Variants in CSMD1 observed in about 807,000 individuals in gnomAD.
CSMD1 encodes the protein CUB and sushi domain-containing protein 1.
In CSMD1, 213 loss-of-function variants were observed where a neutral mutation model predicts 417.5. That is an observed-to-expected ratio of 0.51 (90% confidence interval 0.46 to 0.57). CSMD1 has a LOEUF of 0.57. CSMD1 is among the 20% of genes least tolerant of loss of function. The pLI, the probability that CSMD1 is intolerant of heterozygous loss-of-function variation, is 0.00. For synonymous variants in CSMD1, 2,862 were observed against 1,736.8 expected (o/e 1.65, Z -16.11); for missense variants, 6,923 against 4,529.7 (o/e 1.53, Z -15.17).
At chr8:4,280,029 G>C (rs111929501) in intron 3 of CSMD1, among the ~76,000 whole-genome samples, 4 of 152,248 alleles carry the variant, frequency 2.6e-5, no homozygotes, top group South Asian at 2.1e-4. Context: ...TCCCAGCCTA[G>C]AACACAGTGA....
At chr8:2,951,496 A>C (rs1358618370) in intron 65 of CSMD1, among the ~76,000 whole-genome samples, 1 of 152,182 alleles carries the variant, frequency 6.6e-6, no homozygotes, top group African/African-American at 2.4e-5. Flanking sequence ...ACTTGTGCTT[A>C]TGGGTTTCTT....
intron 5 of CSMD1, among the ~76,000 whole-genome samples, chr8:3,976,693 AC>A (rs1384540923): frequency 6.6e-6 from 1 of 152,150 alleles, no homozygotes; most frequent in Non-Finnish European, 1.5e-5. Flanking sequence ...AAGATATTTT[AC>A]TTATGAACCC....
intron 3 of CSMD1, among the ~76,000 whole-genome samples, chr8:4,112,328 G>A (rs866491570): frequency 5.3e-5 from 8 of 152,124 alleles, no homozygotes; most frequent in Admixed American, 1.3e-4. Context: ...CCCTGGCAAC[G>A]GACACAGGCC....
chr8:4,548,202 G>A (rs901384155), intron 2 of CSMD1, among the ~76,000 whole-genome samples: 13 of 152,054 alleles, frequency 8.5e-5, no homozygotes, highest in South Asian at 2.1e-4. Flanking sequence ...ACATAGCGCC[G>A]TCAAAAATTG....
chr8:4,154,018 A>G (rs948303866), intron 3 of CSMD1, among the ~76,000 whole-genome samples: 4 of 152,190 alleles, frequency 2.6e-5, no homozygotes, highest in African/African-American at 9.7e-5. Context: ...CTCATTTTGC[A>G]CCGTATTTTC....
chr8:4,905,951 C>T (rs1036449107), intron 1 of CSMD1, among the ~76,000 whole-genome samples: 2 of 152,144 alleles, frequency 1.3e-5, no homozygotes, highest in African/African-American at 2.4e-5. Context: ...CCCAAACCCC[C>T]ATTCATTCTT....
intron 3 of CSMD1, among the ~76,000 whole-genome samples, chr8:4,035,170 C>T (rs1427541734): frequency 2.0e-5 from 3 of 148,470 alleles, no homozygotes; most frequent in South Asian, 2.3e-4. Context: ...TGATGGCGTA[C>T]TGATGTTGTA....
chr8:4,271,176 G>C (rs1585132958), intron 3 of CSMD1, among the ~76,000 whole-genome samples: 1 of 152,032 alleles, frequency 6.6e-6, no homozygotes, highest in African/African-American at 2.4e-5. Flanking sequence ...CATTACATAT[G>C]TTTTCATTTA....
intron 19 of CSMD1, 24 bp from the exon 20 acceptor site, chr8:3,367,271 G>A (rs368268925): frequency 4.5e-6 from 7 of 1,554,408 alleles, no homozygotes; most frequent in African/African-American, 1.4e-5. Context: ...CCGGGGGAGA[G>A]AGAGAGAGAC....
At position 3,235,462 on chromosome 8, in the gene CSMD1, T is replaced by C. The variant is rs183048198; in HGVS notation, c.4154-5231A>G. Among the ~76,000 whole-genome samples, 431 of 152,292 alleles carry C rather than the reference T, an allele frequency of 2.8e-3. 1 individual carries two copies. Among genetic ancestry groups the C allele is most frequent in the African/African-American group, 9.7e-3 (404 of 41,566 alleles). Reference sequence around the variant, plus strand: ...TGTTGAACACTTTTCTGGGAGTTAATAGGATCTGGTCAAATGAGATTGGCA... The same window carrying C: ...TGTTGAACACTTTTCTGGGAGTTAACAGGATCTGGTCAAATGAGATTGGCA... On this transcript the variant is annotated intron_variant, in intron 26 of 69. Transcript: ENST00000635120.
intron 1 of CSMD1, among the ~76,000 whole-genome samples, chr8:4,784,619 G>A (rs554071673): frequency 3.9e-5 from 6 of 152,044 alleles, no homozygotes; most frequent in South Asian, 2.1e-4. Context: ...TTTTTTCACC[G>A]ATGGTTTTAA....
chr8:4,193,443 T>A lies in CSMD1; in HGVS notation c.416-161344A>T, dbSNP rs1799150654. ...TTCTCTGTTCACATCCAGGTACCCA[T>A]GCCAGGTCATGTTTTCCCTGGATGG... On this transcript the variant is annotated intron_variant, in intron 3 of 69. Transcript: ENST00000635120. Among the ~76,000 whole-genome samples, 3 of 151,780 alleles carry A rather than the reference T, an allele frequency of 2.0e-5. No individual in the cohort carries two copies. In the South Asian group the frequency reaches 6.2e-4, roughly 31 times the overall value.
intron 1 of CSMD1, among the ~76,000 whole-genome samples, chr8:4,648,989 T>A (rs543939297): frequency 7.2e-5 from 11 of 152,220 alleles, no homozygotes; most frequent in Non-Finnish European, 1.6e-4. Context: ...GAGTAGTGCC[T>A]TCAATAAACA....
At chr8:4,654,502 G>T (rs555562616) in intron 1 of CSMD1, among the ~76,000 whole-genome samples, 2 of 152,068 alleles carry the variant, frequency 1.3e-5, no homozygotes, top group Non-Finnish European at 2.9e-5. Flanking sequence ...GAAGTACCAG[G>T]CAATGCATAT....
intron 1 of CSMD1, among the ~76,000 whole-genome samples, chr8:4,897,632 A>G (rs944701651): frequency 6.6e-5 from 10 of 152,028 alleles, no homozygotes; most frequent in African/African-American, 2.4e-4. Flanking sequence ...TCATTACGTT[A>G]ATGTCCAATA....
At chr8:3,374,070 A>G (rs1810151937) in intron 18 of CSMD1, among the ~76,000 whole-genome samples, 1 of 151,036 alleles carries the variant, frequency 6.6e-6, no homozygotes, top group South Asian at 2.1e-4. Context: ...CTCCTCCCTC[A>G]GCCTCCTCAA....
chr8:4,126,306 A>C (rs1459538339), intron 3 of CSMD1, among the ~76,000 whole-genome samples: 2 of 152,190 alleles, frequency 1.3e-5, no homozygotes, highest in Non-Finnish European at 2.9e-5. Flanking sequence ...CCCTGTTGAT[A>C]AATTGGCTCT....
chr8:4,942,727 A>C (rs1030880206), intron 1 of CSMD1, among the ~76,000 whole-genome samples: 1 of 152,204 alleles, frequency 6.6e-6, no homozygotes, highest in Non-Finnish European at 1.5e-5. Flanking sequence ...GGAGAATCCA[A>C]TACCGACCTT....
intron 23 of CSMD1, among the ~76,000 whole-genome samples, chr8:3,336,765 C>G (rs530113424): frequency 5.9e-5 from 9 of 152,300 alleles, no homozygotes; most frequent in African/African-American, 2.2e-4. Context: ...CCGCCCCCAG[C>G]TGCATGCATC....
Sources: allele counts gnomAD v4.1 joint callset (sites outside exome capture counted in the v4.1 genomes callset), GRCh38; gene constraint gnomAD v4.1.1; transcripts MANE v1.5; gene names NCBI Gene and HGNC (gene_info 2026-07-23, HGNC 2026-07-21).